The following PCDH9 variants were observed in gnomAD, a reference collection of about 807,000 sequenced individuals.
PCDH9 encodes the protein protocadherin 9.
A neutral mutation model predicts 70.6 loss-of-function variants in PCDH9; 24 were observed. The observed-to-expected ratio is 0.34, with a 90% CI of 0.25 to 0.48. The LOEUF (loss-of-function observed/expected upper bound fraction) is 0.48. PCDH9 is among the 20% of genes least tolerant of loss of function. The pLI is 0.99. For synonymous variants in PCDH9, 562 were observed against 558.5 expected (o/e 1.01, Z -0.09); for missense variants, 1,281 against 1,503.6 (o/e 0.85, Z 2.45).
rs373320672 is a variant in PCDH9 at position 67,015,580 on chromosome 13, TTCTAA to T, written c.3037-111980_3037-111976del. Among the ~76,000 whole-genome samples the T allele has an allele frequency of 1.5e-4, 23 of 152,244 alleles. No homozygotes were observed. In the East Asian group the frequency reaches 4.4e-3, roughly 29 times the overall value. Reference sequence around the variant, plus strand: ...GTTGCTATTTCTCTCAATGACTGATTTCTAATCTATTTTGCTTACCACCATCACAA... The same window carrying T: ...GTTGCTATTTCTCTCAATGACTGATTTCTATTTTGCTTACCACCATCACAA... On this transcript the variant is annotated intron_variant, in intron 2 of 4. Coordinates refer to ENST00000377865, the MANE Select transcript of PCDH9 (RefSeq NM_203487.3).
chr13:66,429,036 A>G (rs1046857857), intron 4 of PCDH9, among the ~76,000 whole-genome samples: 1 of 148,990 alleles, frequency 6.7e-6, no homozygotes, highest in African/African-American at 2.6e-5. Context: ...TGTAATATGC[A>G]TGTGATTAAA....
intron 3 of PCDH9, among the ~76,000 whole-genome samples, chr13:66,875,518 G>T (rs796158819): frequency 3.9e-5 from 6 of 152,254 alleles, no homozygotes; most frequent in African/African-American, 1.4e-4. Context: ...GTAAAAGGCT[G>T]CTTTGAACAT....
chr13:66,684,845 G>A (rs1016516667), intron 3 of PCDH9, among the ~76,000 whole-genome samples: 7 of 152,114 alleles, frequency 4.6e-5, no homozygotes, highest in Non-Finnish European at 7.4e-5. Context: ...GGATGGAACA[G>A]TTTGCAGGGC....
chr13:66,648,505 T>G (rs2077803461), intron 3 of PCDH9, among the ~76,000 whole-genome samples: 1 of 152,100 alleles, frequency 6.6e-6, no homozygotes, highest in African/African-American at 2.4e-5. Flanking sequence ...TTACTGACCT[T>G]GGGGTGCCCC....
intron 3 of PCDH9, among the ~76,000 whole-genome samples, chr13:66,851,697 G>A (rs1324937509): frequency 1.3e-5 from 2 of 152,080 alleles, no homozygotes; most frequent in African/African-American, 2.4e-5. Context: ...ATAACTTACT[G>A]TAGACTTGGG....
intron 4 of PCDH9, among the ~76,000 whole-genome samples, chr13:66,429,856 T>G (rs1004117178): frequency 6.6e-5 from 10 of 152,096 alleles, no homozygotes; most frequent in African/African-American, 2.4e-4. Context: ...GCACCAATGG[T>G]GATCTTGATC....
intron 2 of PCDH9, chr13:67,211,574 A>C (rs115998530): frequency 7.9e-4 from 121 of 152,248 alleles, no homozygotes; most frequent in African/African-American, 2.8e-3. Flanking sequence ...AGTTAAAAAA[A>C]CATAGTCTGT....
intron 4 of PCDH9, among the ~76,000 whole-genome samples, chr13:66,526,527 C>CTCTG (rs1566392392): frequency 6.6e-6 from 1 of 151,268 alleles, no homozygotes; most frequent in African/African-American, 2.4e-5. Flanking sequence ...CTCTCTCTCT[C>CTCTG]TCTCTGTCTC....
At chr13:66,485,177 C>G (rs547301340) in intron 4 of PCDH9, among the ~76,000 whole-genome samples, 2 of 152,006 alleles carry the variant, frequency 1.3e-5, no homozygotes, top group Non-Finnish European at 2.9e-5. Context: ...AATTTAAAAC[C>G]ACTTTTGTTT....
chr13:66,709,536 T>C (rs2078763731), intron 3 of PCDH9, among the ~76,000 whole-genome samples: 1 of 152,114 alleles, frequency 6.6e-6, no homozygotes. Context: ...TAACCAATCT[T>C]AAAAAACAGA....
chr13:67,141,482 C>A (rs912615047), intron 2 of PCDH9, among the ~76,000 whole-genome samples: 2 of 151,598 alleles, frequency 1.3e-5, no homozygotes, highest in South Asian at 2.1e-4. Context: ...GCTCTGTAGC[C>A]CAGGCTGGAG....
At chr13:66,963,276 G>A (rs769656747) in intron 2 of PCDH9, among the ~76,000 whole-genome samples, 1 of 152,166 alleles carries the variant, frequency 6.6e-6, no homozygotes, top group Non-Finnish European at 1.5e-5. Flanking sequence ...TGGGGTTGGA[G>A]ACTCCTATAA....
At chr13:66,660,013 T>G (rs537237984) in intron 3 of PCDH9, among the ~76,000 whole-genome samples, 2 of 152,200 alleles carry the variant, frequency 1.3e-5, no homozygotes, top group African/African-American at 4.8e-5. Flanking sequence ...GTCTTTCCAA[T>G]GTTTGGAGCT....
At chr13:66,316,836 C>A (rs765043172) in intron 4 of PCDH9, among the ~76,000 whole-genome samples, 5 of 152,118 alleles carry the variant, frequency 3.3e-5, no homozygotes, top group Non-Finnish European at 7.4e-5. Flanking sequence ...AATTCTCCTG[C>A]CTCAGCCTCC....
intron 4 of PCDH9, among the ~76,000 whole-genome samples, chr13:66,386,069 G>A (rs1419367049): frequency 6.6e-6 from 1 of 151,158 alleles, no homozygotes; most frequent in African/African-American, 2.4e-5. Flanking sequence ...TAATTTAATG[G>A]TCCATAGGTT....
At chr13:67,161,922 A>G (rs2087973795) in intron 2 of PCDH9, among the ~76,000 whole-genome samples, 1 of 152,196 alleles carries the variant, frequency 6.6e-6, no homozygotes, top group Non-Finnish European at 1.5e-5. Context: ...CTAAAGTGAT[A>G]ACTGTGATAT....
chr13:66,795,792 A>C (rs879626941), intron 3 of PCDH9, among the ~76,000 whole-genome samples: 3 of 152,168 alleles, frequency 2.0e-5, no homozygotes, highest in Admixed American at 2.0e-4. Context: ...ATTTTGTTCT[A>C]CAACTGAACT....
rs139914328 is a variant in PCDH9 at position 67,172,802 on chromosome 13, C to T, written c.3036+52603G>A. ...CTGAGGCAGGAGAATTGCTTGAGCC[C>T]GGGAGGTGTAGGGTGCGGTGAGGCG... On this transcript the variant is annotated intron_variant, in intron 2 of 4. Coordinates refer to ENST00000377865, the MANE Select transcript of PCDH9 (RefSeq NM_203487.3). Among the ~76,000 whole-genome samples, 1,132 of 135,454 alleles carry T rather than the reference C, an allele frequency of 8.4e-3. 20 individuals are homozygous for T. The highest frequency in any genetic ancestry group is 0.029 in the African/African-American group (1,077 of 36,564). The allele number at this position is 135,454 out of a possible 152,430, so 88.9% of individuals were successfully genotyped here.
At chr13:66,557,161 G>A (rs2138694698) in intron 4 of PCDH9, among the ~76,000 whole-genome samples, 1 of 152,258 alleles carries the variant, frequency 6.6e-6, no homozygotes, top group Middle Eastern at 3.4e-3. Context: ...GAATATAAGA[G>A]GAAATAATTC....
Sources: allele counts gnomAD v4.1 joint callset (sites outside exome capture counted in the v4.1 genomes callset), GRCh38; gene constraint gnomAD v4.1.1; transcripts MANE v1.5; gene names NCBI Gene and HGNC (gene_info 2026-07-23, HGNC 2026-07-21).